The following PPP3CA variants were observed in gnomAD, a reference collection of about 807,000 sequenced individuals.
PPP3CA encodes protein phosphatase 3 catalytic subunit alpha.
In PPP3CA, 14 loss-of-function variants were observed where a neutral mutation model predicts 66.5. The observed-to-expected ratio is 0.21, with a 90% CI of 0.14 to 0.33. PPP3CA has a LOEUF of 0.33. Among genes scored for constraint, PPP3CA ranks in the 10% least tolerant of loss-of-function variants. PPP3CA has a pLI of 1.00. For missense variants in PPP3CA, 317 were observed against 639.5 expected (o/e 0.50, Z 5.44); for synonymous variants, 232 against 226.2 (o/e 1.03, Z -0.23).
chr4:101,265,477 T>C (rs1380166027), intron 1 of PPP3CA, among the ~76,000 whole-genome samples: 4 of 152,076 alleles, frequency 2.6e-5, no homozygotes, highest in African/African-American at 9.7e-5. Context: ...TCCCAAAGAA[T>C]AGAAAGATTA....
In PPP3CA at chr4:101,063,293, T is replaced by C. The variant is rs764698335; in HGVS notation, c.1020A>G (p.Pro340=). The change falls in exon 9 of 14, where the codon CCA becomes CCG. Residue 340 remains proline, a synonymous_variant. Transcript: ENST00000394854. ...NIRQFNCSPH[P]YWLPNFMDVF... is the part of the protein sequence containing the mutation. ...CATCCATGAAATTTGGAAGCCAGTA[T>C]GGATGAGGAGAACAGTTGAATTGCC... 6.2e-7 allele frequency: 1 copy of C among 1,611,750 alleles called. No individual in the cohort carries two copies. Among genetic ancestry groups the C allele is most frequent in the Non-Finnish European group, 8.5e-7 (1 of 1,178,504 alleles).
At chr4:101,325,666 C>T (rs1729184712) in intron 1 of PPP3CA, among the ~76,000 whole-genome samples, 1 of 152,036 alleles carries the variant, frequency 6.6e-6, no homozygotes, top group Admixed American at 6.6e-5. Context: ...TGACGGCTAA[C>T]CATATCAAGA....
At chr4:101,076,465 G>GA in intron 8 of PPP3CA, among the ~76,000 whole-genome samples, 1 of 152,210 alleles carries the variant, frequency 6.6e-6, no homozygotes, top group South Asian at 2.1e-4. Context: ...AAGCTAACAA[G>GA]AAAAACGTAA....
intron 1 of PPP3CA, among the ~76,000 whole-genome samples, chr4:101,240,571 T>G (rs1429270241): frequency 6.6e-6 from 1 of 151,978 alleles, no homozygotes; most frequent in Non-Finnish European, 1.5e-5. Flanking sequence ...GGAAATCAGA[T>G]ACGCAAACAG....
intron 1 of PPP3CA, among the ~76,000 whole-genome samples, chr4:101,311,724 G>A (rs1283397461): frequency 2.0e-5 from 3 of 152,144 alleles, no homozygotes; most frequent in Non-Finnish European, 2.9e-5. Flanking sequence ...AAGTTGCAGT[G>A]ATCTGAGATC....
At chr4:101,204,698 G>C (rs2110199190) in intron 1 of PPP3CA, among the ~76,000 whole-genome samples, 1 of 150,330 alleles carries the variant, frequency 6.7e-6, no homozygotes, top group South Asian at 2.1e-4. Flanking sequence ...CATGGACAAT[G>C]CCAATCACAA....
At chr4:101,138,432 T>G (rs531730872) in intron 2 of PPP3CA, among the ~76,000 whole-genome samples, 2 of 152,314 alleles carry the variant, frequency 1.3e-5, no homozygotes, top group East Asian at 3.9e-4. Context: ...ACATAGTAGG[T>G]TTATATAAAT....
intron 1 of PPP3CA, among the ~76,000 whole-genome samples, chr4:101,229,703 T>G (rs886240365): frequency 6.6e-6 from 1 of 151,568 alleles, no homozygotes; most frequent in African/African-American, 2.4e-5. Flanking sequence ...TTGGGCCAAA[T>G]GTTGAGTTAA....
At chr4:101,067,105 G>T (rs28733610) in intron 8 of PPP3CA, among the ~76,000 whole-genome samples, 3,558 of 152,182 alleles carry the variant, frequency 0.023, 151 homozygotes, top group African/African-American at 0.081. Flanking sequence ...AGACACCACA[G>T]AAATAAATGC....
At position 101,238,300 on chromosome 4, in the gene PPP3CA, T is replaced by C. The variant is rs186220069; in HGVS notation, c.59-42184A>G. 1.3e-3 allele frequency among the ~76,000 whole-genome samples: 195 copies of C among 152,202 alleles called. 1 individual carries two copies. The highest frequency in any genetic ancestry group is 4.3e-3 in the African/African-American group (178 of 41,556). On this transcript the variant is annotated intron_variant, in intron 1 of 13. Coordinates refer to ENST00000394854, the MANE Select transcript of PPP3CA (RefSeq NM_000944.5). ...AATATAATTATTATCTTAATTGATT[T>C]AATACCTTGTCCTTCACTCTGAGAC...
intron 1 of PPP3CA, among the ~76,000 whole-genome samples, chr4:101,310,800 T>C (rs1025703490): frequency 6.6e-6 from 1 of 152,150 alleles, no homozygotes; most frequent in Non-Finnish European, 1.5e-5. Context: ...GCACAAACAT[T>C]TTTGAGCAAA....
intron 2 of PPP3CA, among the ~76,000 whole-genome samples, chr4:101,124,711 AAGAAAGAAAGAAAGAG>A (rs1722156975): frequency 4.1e-4 from 40 of 97,638 alleles, no homozygotes; most frequent in African/African-American, 1.6e-3. Flanking sequence ...GAAAGAAAGA[AAGAAAGAAAGAAAGAG>A]AAAGAAAGAA....
rs1284172834 is a variant in PPP3CA, at chr4:101,090,606, C to T, written c.782+3170G>A. On this transcript the variant is annotated intron_variant, in intron 6 of 13. Coordinates refer to ENST00000394854, the MANE Select transcript of PPP3CA (RefSeq NM_000944.5). ...GTGGTGAGCCGAGATCGCACCACTG[C>T]ACTCCAGCCTGGGTGACAGAGTGAG... 4.5e-5 allele frequency among the ~76,000 whole-genome samples: 6 copies of T among 134,628 alleles called. No homozygotes were observed. In the East Asian group the frequency reaches 1.3e-3, roughly 29 times the overall value. 88.3% of individuals were successfully genotyped at this position (134,628 alleles called of 152,430 possible).
At chr4:101,157,623 T>TA (rs1335502033) in intron 2 of PPP3CA, among the ~76,000 whole-genome samples, 1 of 152,148 alleles carries the variant, frequency 6.6e-6, no homozygotes. Context: ...TCAAAGTTCT[T>TA]AAAGGCTGAT....
At chr4:101,099,151 A>G (rs1201901750) in intron 4 of PPP3CA, among the ~76,000 whole-genome samples, 1 of 152,170 alleles carries the variant, frequency 6.6e-6, no homozygotes, top group Non-Finnish European at 1.5e-5. Context: ...GGAAAAAGAA[A>G]TTGAAAAAAG....
At chr4:101,225,222 C>A (rs1725743749) in intron 1 of PPP3CA, among the ~76,000 whole-genome samples, 1 of 150,730 alleles carries the variant, frequency 6.6e-6, no homozygotes, top group Non-Finnish European at 1.5e-5. Flanking sequence ...TATAATTTAT[C>A]TTTTTTCTGT....
At chr4:101,299,119 T>TG (rs1332172442) in intron 1 of PPP3CA, among the ~76,000 whole-genome samples, 3 of 145,318 alleles carry the variant, frequency 2.1e-5, no homozygotes, top group Non-Finnish European at 4.5e-5. Flanking sequence ...TTTTTTTTTT[T>TG]TTTTTTTTTT....
chr4:101,107,210 T>C (rs564495272), intron 3 of PPP3CA, among the ~76,000 whole-genome samples: 1 of 152,236 alleles, frequency 6.6e-6, no homozygotes, highest in Non-Finnish European at 1.5e-5. Flanking sequence ...GCTCTCAATA[T>C]TCTTTCACTT....
intron 1 of PPP3CA, among the ~76,000 whole-genome samples, chr4:101,300,154 A>G (rs1728330473): frequency 6.6e-6 from 1 of 152,248 alleles, no homozygotes; most frequent in South Asian, 2.1e-4. Flanking sequence ...ATAGGGTCAT[A>G]CCACAAATCA....
Sources: gnomAD v4.1 joint callset for allele counts (sites outside exome capture counted in the v4.1 genomes callset) on GRCh38, gnomAD v4.1.1 for gene constraint, MANE v1.5 for transcripts, NCBI Gene and HGNC (gene_info 2026-07-23, HGNC 2026-07-21) for gene names.